SLC35D4: variants seen among roughly 807,000 people sequenced by gnomAD.
SLC35D4 encodes UDP-N-acetylglucosamine transporter SLC35D4.
At chr18:23,408,187 C>A in the SLC35D4 span, among the ~76,000 whole-genome samples, 1 of 149,698 alleles carries the variant, frequency 6.7e-6, no homozygotes, top group African/African-American at 2.5e-5. Context: ...ACACCCCTAA[C>A]CTCTTACCTG....
chr18:23,279,996 C>T, the SLC35D4 span, among the ~76,000 whole-genome samples: 3 of 152,164 alleles, frequency 2.0e-5, no homozygotes, highest in East Asian at 3.8e-4. Flanking sequence ...TGAGTCACTG[C>T]GCCCAGTCAA....
the SLC35D4 span, among the ~76,000 whole-genome samples, chr18:23,375,120 A>C: frequency 6.7e-6 from 1 of 150,106 alleles, no homozygotes; most frequent in African/African-American, 2.4e-5. Context: ...ATCTCAAAAA[A>C]AAAATAAAAA....
the SLC35D4 span, chr18:23,430,702 G>A: frequency 6.2e-7 from 1 of 1,600,490 alleles, no homozygotes; most frequent in East Asian, 2.2e-5. Flanking sequence ...CCAAATTACT[G>A]GACATTTCAA....
At chr18:23,392,090 AC>A in the SLC35D4 span, among the ~76,000 whole-genome samples, 818 of 152,012 alleles carry the variant, frequency 5.4e-3, 7 homozygotes, top group African/African-American at 0.019. Flanking sequence ...GGCACACGCC[AC>A]CATACCCGGC....
chr18:23,330,028 C>A, the SLC35D4 span, among the ~76,000 whole-genome samples: 1,988 of 152,200 alleles, frequency 0.013, 24 homozygotes, highest in Non-Finnish European at 0.019. Flanking sequence ...GTGGGGAACA[C>A]CACACAACGG....
the SLC35D4 span, among the ~76,000 whole-genome samples, chr18:23,302,345 G>C: frequency 6.6e-6 from 1 of 152,216 alleles, no homozygotes; most frequent in Non-Finnish European, 1.5e-5. Flanking sequence ...CTTTAGACCA[G>C]TGATTCTCAA....
the SLC35D4 span, among the ~76,000 whole-genome samples, chr18:23,299,746 C>A: frequency 1.3e-5 from 2 of 152,176 alleles, no homozygotes. Context: ...GGGAAGGCAG[C>A]AGGAGACACT....
the SLC35D4 span, among the ~76,000 whole-genome samples, chr18:23,425,615 C>T: frequency 6.6e-6 from 1 of 152,168 alleles, no homozygotes; most frequent in Non-Finnish European, 1.5e-5. Flanking sequence ...TGCTACTGCC[C>T]AGCATCAGGA....
At chr18:23,377,728 TA>T in the SLC35D4 span, 1 of 1,434,198 alleles carries the variant, frequency 7.0e-7, no homozygotes, top group African/African-American at 1.5e-5. Flanking sequence ...AAATTCCTCT[TA>T]AAAGGAAACA....
the SLC35D4 span, among the ~76,000 whole-genome samples, chr18:23,427,886 G>A: frequency 1.3e-5 from 2 of 152,226 alleles, no homozygotes; most frequent in East Asian, 3.9e-4. Flanking sequence ...GGATGAAGCT[G>A]GAAACCATCA....
At chr18:23,363,356 A>C in the SLC35D4 span, among the ~76,000 whole-genome samples, 1 of 149,244 alleles carries the variant, frequency 6.7e-6, no homozygotes, top group Non-Finnish European at 1.5e-5. Context: ...GGCCTTTGAC[A>C]AAAGCACATT....
chr18:23,408,820 T>C, the SLC35D4 span, among the ~76,000 whole-genome samples: 4 of 150,808 alleles, frequency 2.7e-5, no homozygotes, highest in African/African-American at 9.7e-5. Context: ...ATCTCTCTTT[T>C]TTTTTTTTTT....
the SLC35D4 span, chr18:23,368,821 G>T: frequency 1.0e-6 from 1 of 968,084 alleles, no homozygotes; most frequent in Non-Finnish European, 1.5e-6. Flanking sequence ...AATAATCATT[G>T]TCTTCTACTA....
At chr18:23,373,240 G>A in the SLC35D4 span, among the ~76,000 whole-genome samples, 39 of 152,238 alleles carry the variant, frequency 2.6e-4, no homozygotes, top group African/African-American at 2.2e-4. Context: ...GCTTGAACCC[G>A]GGAGGTGGAG....
chr18:23,381,672 G>A, the SLC35D4 span, among the ~76,000 whole-genome samples: 2 of 152,184 alleles, frequency 1.3e-5, no homozygotes, highest in Admixed American at 6.5e-5. Flanking sequence ...AAATGGAGTC[G>A]AAGATGCAAA....
chr18:23,370,196 A>T, the SLC35D4 span: 43 of 902,746 alleles, frequency 4.8e-5, no homozygotes, highest in Non-Finnish European at 5.9e-5. Context: ...ATCTCAAGGA[A>T]AAAAAAAAAA....
At chr18:23,339,213 C>T in the SLC35D4 span, among the ~76,000 whole-genome samples, 160 of 152,124 alleles carry the variant, frequency 1.1e-3, no homozygotes, top group Admixed American at 2.1e-3. Flanking sequence ...TTCTGACTGT[C>T]CAAACAAAGC....
At chr18:23,274,931 TTG>T in the SLC35D4 span, among the ~76,000 whole-genome samples, 3 of 151,826 alleles carry the variant, frequency 2.0e-5, no homozygotes, top group African/African-American at 4.8e-5. Flanking sequence ...GAGTGTGTGC[TTG>T]TGTGTGTTTG....
the SLC35D4 span, among the ~76,000 whole-genome samples, chr18:23,283,502 GA>G: frequency 2.8e-4 from 40 of 142,084 alleles, no homozygotes; most frequent in South Asian, 1.4e-3. Flanking sequence ...AAGAAAGAAA[GA>G]AAAGAAAAGA....
Sources: gnomAD v4.1 joint callset for allele counts (sites outside exome capture counted in the v4.1 genomes callset) on GRCh38, gnomAD v4.1.1 for gene constraint, MANE v1.5 for transcripts, NCBI Gene and HGNC (gene_info 2026-07-23, HGNC 2026-07-21) for gene names.